MOB1B: variants seen among roughly 807,000 people sequenced by gnomAD.
MOB1B encodes the protein MOB1 Mps One Binder homolog B.
In MOB1B, 19 loss-of-function variants were observed where a neutral mutation model predicts 24.4. The observed-to-expected ratio is 0.78, with a 90% CI of 0.54 to 1.14. The LOEUF is 1.14. Among genes scored for constraint, MOB1B ranks in the 50% most tolerant of loss-of-function variants. MOB1B has a pLI of 0.00. For missense variants in MOB1B, 243 were observed against 259.6 expected (o/e 0.94, Z 0.44); for synonymous variants, 76 against 82.1 (o/e 0.93, Z 0.40).
In MOB1B at chr4:70,971,934, CTTCT is replaced by C. The variant is rs929230780; in HGVS notation, c.275+1916_275+1919del. 2.2e-5 allele frequency among the ~76,000 whole-genome samples: 3 copies of C among 133,716 alleles called. No homozygotes were observed. In the East Asian group the frequency reaches 8.0e-4, roughly 36 times the overall value. 87.7% of individuals were successfully genotyped at this position (133,716 alleles called of 152,430 possible). ...CCTTCTTTCCCTTCCTTTCTCCCTC[CTTCT>C]TTCTTCTTTCTCTACGTCTCTTTTC... is the stretch of plus-strand genomic sequence containing the variant. On this transcript the variant is annotated intron_variant, in intron 3 of 5. Transcript: ENST00000309395.
At chr4:70,905,694 A>G (rs986315922) in intron 1 of MOB1B, among the ~76,000 whole-genome samples, 3 of 152,122 alleles carry the variant, frequency 2.0e-5, no homozygotes, top group Admixed American at 2.0e-4. Context: ...GCAATGCAAG[A>G]TGGGGCTGCA....
chr4:70,975,054 C>T (rs576068681), intron 3 of MOB1B, 99 bp from the exon 4 acceptor site: 3 of 880,750 alleles, frequency 3.4e-6, no homozygotes, highest in Non-Finnish European at 4.7e-6. Flanking sequence ...GTGTTGAAAA[C>T]ATGTCTGTGT....
At chr4:70,927,970 C>T (rs1330673423) in intron 1 of MOB1B, among the ~76,000 whole-genome samples, 1 of 152,164 alleles carries the variant, frequency 6.6e-6, no homozygotes, top group Non-Finnish European at 1.5e-5. Context: ...ACCTGCTTTG[C>T]TCCATCTTTC....
At chr4:70,939,835 T>C (rs1046428106) in intron 1 of MOB1B, among the ~76,000 whole-genome samples, 2 of 152,200 alleles carry the variant, frequency 1.3e-5, no homozygotes, top group African/African-American at 4.8e-5. Context: ...TGCCTTGGTG[T>C]ACAGAAGAAT....
intron 1 of MOB1B, among the ~76,000 whole-genome samples, chr4:70,919,107 A>C (rs545535837): frequency 3.3e-5 from 5 of 151,704 alleles, no homozygotes; most frequent in African/African-American, 4.8e-5. Flanking sequence ...GAATTGAACA[A>C]TGAGAACACA....
intron 1 of MOB1B, among the ~76,000 whole-genome samples, chr4:70,910,083 C>T (rs1405230976): frequency 1.3e-5 from 2 of 151,610 alleles, no homozygotes; most frequent in Non-Finnish European, 2.9e-5. Flanking sequence ...CTCTGTCACG[C>T]AGACTGCAGT....
chr4:70,939,596 T>A (rs1337763625), intron 1 of MOB1B, among the ~76,000 whole-genome samples: 1 of 152,162 alleles, frequency 6.6e-6, no homozygotes, highest in East Asian at 1.9e-4. Context: ...GCTGGGAGGA[T>A]CTCTTGAATG....
chr4:70,909,771 G>C (rs1200311931), intron 1 of MOB1B, among the ~76,000 whole-genome samples: 1 of 151,594 alleles, frequency 6.6e-6, no homozygotes, highest in Non-Finnish European at 1.5e-5. Context: ...CTGCCACCCA[G>C]GCTGGAGTGC....
chr4:70,982,166 G>T lies in MOB1B; in HGVS notation c.*109G>T, dbSNP rs561511665. On this transcript the variant is annotated 3_prime_UTR_variant, in exon 6 of 6. Coordinates refer to ENST00000309395, the MANE Select transcript of MOB1B (RefSeq NM_173468.4). ...GGATTGTTTTTGTCCTAGGTTTGGGGGCGGGGGCTTGTTTGGGTTCCTTTT... is the reference window on the plus strand; with the variant it reads ...GGATTGTTTTTGTCCTAGGTTTGGGTGCGGGGGCTTGTTTGGGTTCCTTTT... The T allele has an allele frequency of 4.6e-5, 33 of 714,932 alleles. No individual in the cohort carries two copies. Among genetic ancestry groups the T allele is most frequent in the Non-Finnish European group, 6.7e-5 (29 of 433,896 alleles). The allele number at this position is 714,932 out of a possible 1,614,324, so 44.3% of individuals were successfully genotyped here. A position where few individuals can be genotyped will look rare whatever the true frequency, so the allele number is the denominator to read the frequency against.
intron 1 of MOB1B, among the ~76,000 whole-genome samples, chr4:70,933,032 A>G (rs1387513706): frequency 1.3e-5 from 2 of 152,192 alleles, no homozygotes; most frequent in Non-Finnish European, 2.9e-5. Context: ...AAGAGGTTCA[A>G]CTGACTCCCA....
intron 4 of MOB1B, chr4:70,976,711 G>A: frequency 1.1e-6 from 1 of 880,928 alleles, no homozygotes; most frequent in Non-Finnish European, 1.4e-6. Flanking sequence ...TTAACCACTT[G>A]GAACTTTTTT....
intron 1 of MOB1B, among the ~76,000 whole-genome samples, chr4:70,937,972 T>C (rs189514153): frequency 6.6e-6 from 1 of 152,308 alleles, no homozygotes; most frequent in East Asian, 1.9e-4. Context: ...TGTTCTGTTC[T>C]CAGTTCATGA....
chr4:70,972,389 T>G (rs2148900878), intron 3 of MOB1B, among the ~76,000 whole-genome samples: 1 of 152,126 alleles, frequency 6.6e-6, no homozygotes, highest in Admixed American at 6.5e-5. Flanking sequence ...TATTTTTGTA[T>G]TTTTAGTATA....
At chr4:70,940,153 G>A (rs542249774) in intron 1 of MOB1B, among the ~76,000 whole-genome samples, 5 of 152,208 alleles carry the variant, frequency 3.3e-5, no homozygotes, top group Non-Finnish European at 7.4e-5. Context: ...TGTCTCTCCT[G>A]TTAGGGTCTC....
At chr4:70,981,714 T>C (rs573220731) in intron 5 of MOB1B, among the ~76,000 whole-genome samples, 51 of 152,300 alleles carry the variant, frequency 3.3e-4, no homozygotes, top group South Asian at 1.9e-3. Flanking sequence ...TTACATGAAG[T>C]AGTTAACATC....
At position 70,902,401 on chromosome 4, in the gene MOB1B, C is replaced by G. The variant is rs1021514978; in HGVS notation, c.-136C>G. 3 of 917,724 alleles carry G rather than the reference C, an allele frequency of 3.3e-6. No homozygotes were observed. Among genetic ancestry groups the G allele is most frequent in the South Asian group, 1.4e-5 (1 of 71,530 alleles). 56.8% of individuals were successfully genotyped at this position (917,724 alleles called of 1,614,324 possible). ...CTAGCTGAGCCGAACTAGTTGCGGC[C>G]ACCGAGCAGCCGGCTCTCGGCACCT... is the stretch of plus-strand genomic sequence containing the variant. On this transcript the variant is annotated 5_prime_UTR_variant, in exon 1 of 6. Transcript: ENST00000309395.
chr4:70,936,598 C>T (rs1388778287), intron 1 of MOB1B, among the ~76,000 whole-genome samples: 1 of 152,042 alleles, frequency 6.6e-6, no homozygotes, highest in Non-Finnish European at 1.5e-5. Context: ...CCATAGCTGT[C>T]ATATTTGGAA....
At chr4:70,981,919 T>C (rs1235633232) in intron 5 of MOB1B, 61 bp from the exon 6 acceptor site, 16 of 1,075,314 alleles carry the variant, frequency 1.5e-5, no homozygotes, top group East Asian at 2.4e-5. Context: ...TAATTTACTT[T>C]GGAATAAGAT....
At chr4:70,947,621 G>A (rs753229221) in intron 1 of MOB1B, among the ~76,000 whole-genome samples, 2 of 151,850 alleles carry the variant, frequency 1.3e-5, no homozygotes, top group Non-Finnish European at 2.9e-5. Context: ...TCATAGAGCA[G>A]AATTTTATTT....
Sources: gnomAD v4.1 joint callset for allele counts (sites outside exome capture counted in the v4.1 genomes callset) on GRCh38, gnomAD v4.1.1 for gene constraint, MANE v1.5 for transcripts, NCBI Gene and HGNC (gene_info 2026-07-23, HGNC 2026-07-21) for gene names.